The following DENND1A variants were observed in gnomAD, a reference collection of about 807,000 sequenced individuals.
DENND1A encodes DENN domain containing 1A, also known as DENN domain-containing protein 1A.
DENND1A carries 51 observed loss-of-function variants against 113.7 expected under a neutral mutation model. The observed-to-expected ratio is 0.45, with a 90% confidence interval of 0.36 to 0.57. The LOEUF (loss-of-function observed/expected upper bound fraction) is 0.57, where lower values mean the gene tolerates loss of function less well. DENND1A is among the 20% of genes least tolerant of loss of function. The pLI is 0.00. For synonymous variants in DENND1A, 565 were observed against 570.8 expected (o/e 0.99, Z 0.14); for missense variants, 1,258 against 1,395.9 (o/e 0.90, Z 1.57).
intron 5 of DENND1A, among the ~76,000 whole-genome samples, chr9:123,749,684 T>C (rs921504790): frequency 2.6e-5 from 4 of 152,144 alleles, no homozygotes; most frequent in Non-Finnish European, 5.9e-5. Flanking sequence ...ATGTTCAAAA[T>C]GATGAAGTAA....
At chr9:123,397,590 G>A (rs1226105448) in intron 21 of DENND1A, among the ~76,000 whole-genome samples, 1 of 152,336 alleles carries the variant, frequency 6.6e-6, no homozygotes, top group Non-Finnish European at 1.5e-5. Flanking sequence ...ACAGACAATA[G>A]GGGTTACAGA....
intron 18 of DENND1A, among the ~76,000 whole-genome samples, chr9:123,448,454 G>A (rs553459401): frequency 6.6e-6 from 1 of 152,332 alleles, no homozygotes; most frequent in East Asian, 1.9e-4. Context: ...CTTTGCCTGA[G>A]GAGGGACCCC....
At chr9:123,660,464 A>C (rs2063175901) in intron 8 of DENND1A, among the ~76,000 whole-genome samples, 1 of 152,162 alleles carries the variant, frequency 6.6e-6, no homozygotes, top group African/African-American at 2.4e-5. Context: ...TTAAAAAAAA[A>C]AACTTCCTAA....
rs938212575 is a variant in DENND1A at position 123,764,018 on chromosome 9, G to A, written c.182+5496C>T. Among the ~76,000 whole-genome samples the A allele has an allele frequency of 2.4e-4, 37 of 152,100 alleles. No homozygotes were observed. Among genetic ancestry groups the A allele is most frequent in the African/African-American group, 8.5e-4 (35 of 41,414 alleles). On this transcript the variant is annotated intron_variant, in intron 4 of 23. Transcript: ENST00000394215. This position sits in a 1 kb window ranked among gnomAD's most constrained non-coding sequence, Gnocchi z 4.1. ...AAGCTGTTGGAAATGATTCAGCAGA[G>A]GCAGAGATTTATGATGCAGGACAGA...
intron 5 of DENND1A, among the ~76,000 whole-genome samples, chr9:123,747,286 G>T (rs1035177441): frequency 1.3e-5 from 2 of 152,062 alleles, no homozygotes; most frequent in Non-Finnish European, 2.9e-5. Context: ...ACATAAAGAG[G>T]TAGTTAAAAT....
At chr9:123,580,560 C>G (rs528296046) in intron 12 of DENND1A, among the ~76,000 whole-genome samples, 1 of 152,376 alleles carries the variant, frequency 6.6e-6, no homozygotes, top group East Asian at 1.9e-4. Flanking sequence ...TCATCTCATG[C>G]TGCCCCAGGG....
intron 2 of DENND1A, among the ~76,000 whole-genome samples, chr9:123,814,055 T>G (rs1392878948): frequency 1.3e-5 from 2 of 152,200 alleles, no homozygotes; most frequent in Non-Finnish European, 1.5e-5. Flanking sequence ...GATTTTTACA[T>G]AATGTTACAT....
At chr9:123,730,055 T>C (rs1327984332) in intron 5 of DENND1A, among the ~76,000 whole-genome samples, 1 of 152,136 alleles carries the variant, frequency 6.6e-6, no homozygotes, top group African/African-American at 2.4e-5. Flanking sequence ...TGGCTAGCCA[T>C]ATGAGGAAAC....
chr9:123,557,356 C>A (rs536336217), intron 13 of DENND1A, among the ~76,000 whole-genome samples: 6 of 152,284 alleles, frequency 3.9e-5, no homozygotes, highest in Non-Finnish European at 4.4e-5. Context: ...GGCATAACAG[C>A]CCCCAGAGCA....
chr9:123,891,675 C>A (rs181563010), intron 1 of DENND1A, among the ~76,000 whole-genome samples: 1 of 152,056 alleles, frequency 6.6e-6, no homozygotes, highest in Non-Finnish European at 1.5e-5. Context: ...CATCTTATAC[C>A]GGCAGTAGCA....
At chr9:123,484,780 C>A (rs903829815) in intron 13 of DENND1A, among the ~76,000 whole-genome samples, 1 of 152,174 alleles carries the variant, frequency 6.6e-6, no homozygotes, top group Admixed American at 6.5e-5. Context: ...TTCACTGTGG[C>A]CCTCAGTACA....
chr9:123,641,636 C>T (rs1367927331), intron 9 of DENND1A, among the ~76,000 whole-genome samples: 1 of 152,124 alleles, frequency 6.6e-6, no homozygotes, highest in African/African-American at 2.4e-5. Context: ...TTTTAAGTGC[C>T]AGTCGGTACG....
At chr9:123,401,374 T>C (rs963669408) in intron 21 of DENND1A, 1 of 621,514 alleles carries the variant, frequency 1.6e-6, no homozygotes, top group African/African-American at 1.9e-5. Flanking sequence ...GGAAGAGGCG[T>C]AGAAAAACAC....
chr9:123,381,086 T>G lies in DENND1A; in HGVS notation c.*346A>C. 2 of 284,410 alleles carry G rather than the reference T, an allele frequency of 7.0e-6. No individual in the cohort carries two copies. Among genetic ancestry groups the G allele is most frequent in the East Asian group, 1.0e-4 (1 of 9,944 alleles). The allele number at this position is 284,410 out of a possible 1,614,324, so 17.6% of individuals were successfully genotyped here. A position where few individuals can be genotyped will look rare whatever the true frequency, so the allele number is the denominator to read the frequency against. Reference sequence around the variant, plus strand: ...CGGAGGGGAGGCCTTCGGAGCCTCTTGGGACACTTCCGGGGGAAGGTGGGT... The same window carrying G: ...CGGAGGGGAGGCCTTCGGAGCCTCTGGGGACACTTCCGGGGGAAGGTGGGT... On this transcript the variant is annotated 3_prime_UTR_variant, in exon 24 of 24. Coordinates refer to ENST00000394215, the MANE Select transcript of DENND1A (RefSeq NM_001352964.2). This position sits in a 1 kb window ranked among gnomAD's most constrained non-coding sequence, Gnocchi z 4.7.
intron 13 of DENND1A, among the ~76,000 whole-genome samples, chr9:123,516,097 TACACACACATAC>T (rs1436905306): frequency 5.3e-5 from 3 of 56,792 alleles, no homozygotes; most frequent in African/African-American, 7.3e-5. Context: ...TAGATATATA[TACACACACATAC>T]ACACACACAC....
Position 123,918,229 on chromosome 9 carries a change from C to T in DENND1A, c.17+11660G>A, listed in dbSNP as rs577823479. Among the ~76,000 whole-genome samples the T allele has an allele frequency of 7.0e-4, 106 of 151,236 alleles. 1 individual carries two copies. The highest frequency in any genetic ancestry group is 2.4e-3 in the Admixed American group (37 of 15,144). ...ACAGGCCGGGCGTGGTGGCTCATGC[C>T]TGTAATTCCAGCACTTTGGGAGGCC... On this transcript the variant is annotated intron_variant, in intron 1 of 23. Coordinates refer to ENST00000394215, the MANE Select transcript of DENND1A (RefSeq NM_001352964.2).
chr9:123,807,154 A>AT (rs1394339694), intron 2 of DENND1A, among the ~76,000 whole-genome samples: 3 of 152,218 alleles, frequency 2.0e-5, no homozygotes, highest in African/African-American at 7.2e-5. Context: ...CCAGACTAAA[A>AT]TTTAACTCAT....
chr9:123,706,873 C>A (rs905753607), intron 5 of DENND1A, among the ~76,000 whole-genome samples: 2 of 150,024 alleles, frequency 1.3e-5, no homozygotes, highest in African/African-American at 4.9e-5. Flanking sequence ...CTGCCCTTAA[C>A]TGAGATGGGG....
intron 1 of DENND1A, among the ~76,000 whole-genome samples, chr9:123,880,325 T>C (rs993599177): frequency 6.6e-6 from 1 of 152,160 alleles, no homozygotes; most frequent in Non-Finnish European, 1.5e-5. Flanking sequence ...TTTTAAAAGA[T>C]CACAGAACAG....
Sources: allele counts gnomAD v4.1 joint callset (sites outside exome capture counted in the v4.1 genomes callset), GRCh38; gene constraint gnomAD v4.1.1; non-coding constraint Gnocchi (gnomAD v3.1); transcripts MANE v1.5; gene names NCBI Gene and HGNC (gene_info 2026-07-23, HGNC 2026-07-21).